MTMR9: variants seen among roughly 807,000 people sequenced by gnomAD.
MTMR9 encodes myotubularin related protein 9.
Under a neutral mutation model 69.5 loss-of-function variants are expected in MTMR9, and 39 were observed. That is an observed-to-expected ratio of 0.56 (90% CI 0.43 to 0.73). The LOEUF (loss-of-function observed/expected upper bound fraction) is 0.73. MTMR9 is among the 30% of genes least tolerant of loss of function. The pLI is 0.00. For synonymous variants in MTMR9, 354 were observed against 240.8 expected, an observed-to-expected ratio of 1.47 and a Z score of -4.35; for missense variants, 900 against 671.2, an observed-to-expected ratio of 1.34 and a Z score of -3.77.
chr8:11,290,395 T>G (rs1799339490), intron 1 of MTMR9, among the ~76,000 whole-genome samples: 2 of 152,306 alleles, frequency 1.3e-5, no homozygotes, highest in South Asian at 4.1e-4. Flanking sequence ...GAATGTTTTC[T>G]AGTGTGTCAC....
rs1457613139 is a variant in MTMR9 at position 11,324,268 on chromosome 8, C to G, written c.*1480C>G. ...TTTGAAAATGGCAAATACTTTTCATCACCAATTGCCCAATTCATCTTTCTT... is the reference window on the plus strand; with the variant it reads ...TTTGAAAATGGCAAATACTTTTCATGACCAATTGCCCAATTCATCTTTCTT... On this transcript the variant is annotated 3_prime_UTR_variant, in exon 10 of 10. Transcript: ENST00000221086. 2.6e-5 allele frequency: 4 copies of G among 152,162 alleles called. No individual in the cohort carries two copies. Among genetic ancestry groups the G allele is most frequent in the African/African-American group, 7.2e-5 (3 of 41,440 alleles). The allele number at this position is 152,162 out of a possible 1,614,324, so 9.4% of individuals were successfully genotyped here.
intron 3 of MTMR9, among the ~76,000 whole-genome samples, chr8:11,304,420 G>T (rs1799863363): frequency 6.6e-6 from 1 of 152,212 alleles, no homozygotes; most frequent in South Asian, 2.1e-4. Flanking sequence ...GTAGGATGAT[G>T]TTGGCCGTGA....
intron 3 of MTMR9, 102 bp downstream of exon 3, chr8:11,300,250 G>C: frequency 2.4e-6 from 3 of 1,276,316 alleles, no homozygotes; most frequent in Non-Finnish European, 3.3e-6. Context: ...AGGTGAAGTT[G>C]ACTTATCCAT....
At chr8:11,298,954 T>A (rs1440638276) in intron 2 of MTMR9, 2 of 815,648 alleles carry the variant, frequency 2.5e-6, no homozygotes, top group Admixed American at 1.2e-4. Context: ...AATATGATGA[T>A]ACATGACCAA....
At chr8:11,301,772 A>G (rs181862487) in intron 3 of MTMR9, among the ~76,000 whole-genome samples, 441 of 152,360 alleles carry the variant, frequency 2.9e-3, no homozygotes, top group African/African-American at 0.01. Context: ...AGATAAAAGA[A>G]TAATCTAATG....
At chr8:11,330,734 T>G (rs1219377736), downstream of MTMR9, among the ~76,000 whole-genome samples, 1 of 151,170 alleles carries the variant, frequency 6.6e-6, no homozygotes, top group African/African-American at 2.4e-5. Context: ...TCGTTAAGAG[T>G]CATCACCACT....
rs544302294 is a variant in MTMR9 at position 11,288,849 on chromosome 8, C to G, written c.182+3779C>G. ...GGGGGCAAGACTGGAAGCAGCAGGCCCAGCTTGGAGAGTAGAGTAGTTCAC... is the reference window on the plus strand; with the variant it reads ...GGGGGCAAGACTGGAAGCAGCAGGCGCAGCTTGGAGAGTAGAGTAGTTCAC... On this transcript the variant is annotated intron_variant, in intron 1 of 9. Coordinates refer to ENST00000221086, the MANE Select transcript of MTMR9 (RefSeq NM_015458.4). 2.6e-5 allele frequency among the ~76,000 whole-genome samples: 4 copies of G among 152,222 alleles called. No individual in the cohort carries two copies. In the East Asian group the frequency reaches 7.7e-4, roughly 29 times the overall value.
chr8:11,328,343 A>ATG (rs1700861070), downstream of MTMR9, among the ~76,000 whole-genome samples: 6 of 100,126 alleles, frequency 6.0e-5, no homozygotes, highest in African/African-American at 2.4e-4. Context: ...CTTTAATACC[A>ATG]CGTGTGTGTG....
chr8:11,285,183 A>G lies in MTMR9; in HGVS notation c.182+113A>G. Reference sequence around the variant, plus strand: ...GCCTGCCGCCCAGCTAGCCGGCAAGATGAGCCCTCTGTGGCCTAGAATCAG... The same window carrying G: ...GCCTGCCGCCCAGCTAGCCGGCAAGGTGAGCCCTCTGTGGCCTAGAATCAG... On this transcript the variant is annotated intron_variant, in intron 1 of 9. Coordinates refer to ENST00000221086, the MANE Select transcript of MTMR9 (RefSeq NM_015458.4). 15 of 1,074,814 alleles carry G rather than the reference A, an allele frequency of 1.4e-5. No individual in the cohort carries two copies. In the South Asian group the frequency reaches 2.3e-4, roughly 17 times the overall value. The allele number at this position is 1,074,814 out of a possible 1,614,324, so 66.6% of individuals were successfully genotyped here.
chr8:11,292,553 A>G (rs114293205), intron 1 of MTMR9, among the ~76,000 whole-genome samples: 442 of 152,308 alleles, frequency 2.9e-3, no homozygotes, highest in African/African-American at 0.01. Flanking sequence ...GTTAAGTGGT[A>G]TCTTACTGTG....
chr8:11,296,297 G>A (rs547803784), intron 2 of MTMR9, among the ~76,000 whole-genome samples: 3 of 152,136 alleles, frequency 2.0e-5, no homozygotes, highest in Non-Finnish European at 4.4e-5. Flanking sequence ...ATTAGTTGAT[G>A]TGTGTAGAAT....
the MTMR9 span, among the ~76,000 whole-genome samples, chr8:11,333,244 A>C: frequency 6.6e-6 from 1 of 152,240 alleles, no homozygotes; most frequent in Non-Finnish European, 1.5e-5. Flanking sequence ...AAGAATCTTG[A>C]AAGTAGCAAG....
chr8:11,289,688 A>G (rs1799312378), intron 1 of MTMR9, among the ~76,000 whole-genome samples: 1 of 152,156 alleles, frequency 6.6e-6, no homozygotes, highest in African/African-American at 2.4e-5. Context: ...ACTATTGTGT[A>G]TGGGTGTGCG....
Position 11,309,548 on chromosome 8 carries a change from C to G in MTMR9, c.831C>G (p.Ser277Arg). 1.2e-6 allele frequency: 2 copies of G among 1,613,464 alleles called. No individual in the cohort carries two copies. Among genetic ancestry groups the G allele is most frequent in the South Asian group, 2.2e-5 (2 of 91,030 alleles). Residue 277 changes from serine (S) to arginine (R), a missense_variant, in exon 6 of 10, where the codon AGC becomes AGG. Coordinates refer to ENST00000221086, the MANE Select transcript of MTMR9 (RefSeq NM_015458.4). ...AAAGGTATCACATTCTTCAGGAGAG[C>G]TTAATCAAACTTGTGGAAGCTTGTA... is the stretch of plus-strand genomic sequence containing the variant. Reference protein sequence around the residue: ...SIERYHILQESLIKLVEACND... With the variant: ...SIERYHILQERLIKLVEACND...
At chr8:11,307,182 C>G (rs1334003411) in intron 5 of MTMR9, among the ~76,000 whole-genome samples, 72 of 152,216 alleles carry the variant, frequency 4.7e-4, no homozygotes, top group Non-Finnish European at 1.0e-4. Context: ...AGTGATTCTC[C>G]TGTCTCAGCT....
chr8:11,333,402 A>C, the MTMR9 span, among the ~76,000 whole-genome samples: 2 of 152,196 alleles, frequency 1.3e-5, no homozygotes, highest in Non-Finnish European at 2.9e-5. Context: ...TATATCCAGC[A>C]AAACTGTCCT....
chr8:11,316,957 C>A, intron 8 of MTMR9, 64 bp downstream of exon 8: 1 of 1,109,048 alleles, frequency 9.0e-7, no homozygotes. Flanking sequence ...CCTAAGTAGC[C>A]AGAATCTCCT....
At chr8:11,313,200 A>G (rs1052226816) in intron 6 of MTMR9, among the ~76,000 whole-genome samples, 1 of 152,214 alleles carries the variant, frequency 6.6e-6, no homozygotes, top group Non-Finnish European at 1.5e-5. Context: ...AGCCTCTGCT[A>G]GTTTCCAACT....
Position 11,322,714 on chromosome 8 carries a change from C to G in MTMR9, c.1576C>G (p.Gln526Glu). Residue 526 changes from glutamine to glutamate, a missense_variant, in exon 10 of 10, where the codon CAA becomes GAA. Transcript: ENST00000221086. ...CATCATTGAATATAATAAAGAATTA[C>G]AAGCAAAAGTCAATATCCTTCGAAG... ...VNIIEYNKEL[Q>E]AKVNILRRQL... is the part of the protein sequence containing the mutation. 1 of 1,613,956 alleles carries G rather than the reference C, an allele frequency of 6.2e-7. No homozygotes were observed. Among genetic ancestry groups the G allele is most frequent in the Non-Finnish European group, 8.5e-7 (1 of 1,179,900 alleles).
Sources: gnomAD v4.1 joint callset for allele counts (sites outside exome capture counted in the v4.1 genomes callset) on GRCh38, gnomAD v4.1.1 for gene constraint, MANE v1.5 for transcripts, NCBI Gene and HGNC (gene_info 2026-07-23, HGNC 2026-07-21) for gene names.